GRK5: variants seen among roughly 807,000 people sequenced by gnomAD.
The protein encoded by GRK5 is g protein-coupled receptor kinase GRK5.
Under a neutral mutation model 78.4 loss-of-function variants are expected in GRK5, and 40 were observed. That is an observed-to-expected ratio of 0.51 (90% CI 0.40 to 0.66). The LOEUF is 0.66. Among genes scored for constraint, GRK5 ranks in the 30% least tolerant of loss-of-function variants. The probability of loss-of-function intolerance (pLI) is 0.00; values close to 1 mark genes in which losing one functional copy is unlikely to be tolerated. For synonymous variants in GRK5, 289 were observed against 296.8 expected (o/e 0.97, Z 0.27); for missense variants, 598 against 759.9 (o/e 0.79, Z 2.50).
chr10:119,213,303 G>A (rs887805097), intron 1 of GRK5, among the ~76,000 whole-genome samples: 4 of 152,220 alleles, frequency 2.6e-5, no homozygotes, highest in Non-Finnish European at 5.9e-5. Flanking sequence ...CTGAGGTCAG[G>A]AGATTGAGAT....
chr10:119,326,267 A>T (rs1453133161), intron 1 of GRK5, among the ~76,000 whole-genome samples: 2 of 152,162 alleles, frequency 1.3e-5, no homozygotes, highest in Non-Finnish European at 2.9e-5. Context: ...GGTGGGGTGC[A>T]GGGGAGCCCT....
At chr10:119,351,795 G>A (rs917246336) in intron 2 of GRK5, among the ~76,000 whole-genome samples, 16 of 152,174 alleles carry the variant, frequency 1.1e-4, no homozygotes, top group Admixed American at 9.8e-4. Flanking sequence ...CTGGATAATG[G>A]TAGTGTCAGA....
chr10:119,394,180 G>GTCT (rs1394674838), intron 3 of GRK5, among the ~76,000 whole-genome samples: 1 of 149,710 alleles, frequency 6.7e-6, no homozygotes, highest in African/African-American at 2.5e-5. Flanking sequence ...GTGTGTGTGT[G>GTCT]GGTGTCTGTG....
chr10:119,335,423 G>A (rs1239010844), intron 2 of GRK5, among the ~76,000 whole-genome samples: 3 of 152,150 alleles, frequency 2.0e-5, no homozygotes, highest in Non-Finnish European at 4.4e-5. Flanking sequence ...GAGTGCAGTG[G>A]TGTAATCTTG....
chr10:119,290,358 A>AC (rs1234196894), intron 1 of GRK5, among the ~76,000 whole-genome samples: 64 of 145,578 alleles, frequency 4.4e-4, no homozygotes, highest in African/African-American at 1.6e-3. Flanking sequence ...AAAAAAAAAA[A>AC]AAAAACAAAA....
At chr10:119,434,268 A>G (rs1212567270) in intron 8 of GRK5, among the ~76,000 whole-genome samples, 1 of 152,122 alleles carries the variant, frequency 6.6e-6, no homozygotes, top group Non-Finnish European at 1.5e-5. Context: ...TTCAAAACCA[A>G]TCATGCCTTC....
intron 4 of GRK5, among the ~76,000 whole-genome samples, chr10:119,400,153 A>G (rs1852125212): frequency 6.6e-6 from 1 of 152,194 alleles, no homozygotes; most frequent in Admixed American, 6.5e-5. Flanking sequence ...TCTGTGCCCC[A>G]TGATGGGGAT....
intron 4 of GRK5, among the ~76,000 whole-genome samples, chr10:119,417,953 C>A (rs1204289925): frequency 6.6e-6 from 1 of 152,208 alleles, no homozygotes; most frequent in Non-Finnish European, 1.5e-5. Flanking sequence ...TCACAGATAT[C>A]AGGAACTGCC....
chr10:119,256,906 G>A (rs775801106), intron 1 of GRK5, among the ~76,000 whole-genome samples: 7 of 152,122 alleles, frequency 4.6e-5, no homozygotes, highest in South Asian at 4.1e-4. Context: ...CCCCTACCAC[G>A]GTCCCTGGCA....
intron 4 of GRK5, among the ~76,000 whole-genome samples, chr10:119,398,310 G>T (rs1172220895): frequency 2.0e-5 from 3 of 152,220 alleles, no homozygotes; most frequent in African/African-American, 4.8e-5. Context: ...GCTTAAAGGG[G>T]TGCATGCACC....
intron 1 of GRK5, among the ~76,000 whole-genome samples, chr10:119,237,870 A>C (rs1308842159): frequency 6.6e-6 from 1 of 152,142 alleles, no homozygotes; most frequent in East Asian, 1.9e-4. Context: ...ATGTTCTTAC[A>C]GGAAAGACTA....
chr10:119,261,136 T>C (rs58644560), intron 1 of GRK5, among the ~76,000 whole-genome samples: 12 of 142,694 alleles, frequency 8.4e-5, no homozygotes, highest in Admixed American at 4.8e-4. Flanking sequence ...TCCTCACTTT[T>C]CAGACGGGGC....
At chr10:119,376,525 G>C (rs1589772226) in intron 2 of GRK5, among the ~76,000 whole-genome samples, 1 of 151,706 alleles carries the variant, frequency 6.6e-6, no homozygotes, top group South Asian at 2.1e-4. Flanking sequence ...GGATACTTAG[G>C]GGCCGAGGAG....
At chr10:119,381,085 G>T (rs1241447892) in intron 3 of GRK5, among the ~76,000 whole-genome samples, 158 bp downstream of exon 3, 1 of 152,260 alleles carries the variant, frequency 6.6e-6, no homozygotes, top group East Asian at 1.9e-4. Context: ...ATGCAAAATT[G>T]TCTGAGGATC....
chr10:119,315,423 TGG>T (rs1452183673), intron 1 of GRK5, among the ~76,000 whole-genome samples: 2 of 152,122 alleles, frequency 1.3e-5, no homozygotes, highest in South Asian at 4.2e-4. Flanking sequence ...GGTGCCTCTC[TGG>T]GGGTGGCAAA....
chr10:119,243,762 T>A (rs190400570), intron 1 of GRK5, among the ~76,000 whole-genome samples: 110 of 152,260 alleles, frequency 7.2e-4, no homozygotes, highest in African/African-American at 2.3e-3. Context: ...TCATGTGGAA[T>A]GACTTACTGA....
chr10:119,437,873 G>A lies in GRK5; in HGVS notation c.929+1032G>A, dbSNP rs1332419110. Among the ~76,000 whole-genome samples, 8 of 152,286 alleles carry A rather than the reference G, an allele frequency of 5.3e-5. No homozygotes were observed. The East Asian group carries it at 5.8e-4, about 11-fold the overall frequency. ...AGCACTTTGGGAGGCTGGGGCAGGC[G>A]GATCACCTGAGGTCAGTGGTTTGAG... On this transcript the variant is annotated intron_variant, in intron 9 of 15. Coordinates refer to ENST00000392870, the MANE Select transcript of GRK5 (RefSeq NM_005308.3).
intron 1 of GRK5, among the ~76,000 whole-genome samples, chr10:119,290,906 C>A (rs1377265402): frequency 6.6e-6 from 1 of 152,100 alleles, no homozygotes; most frequent in Non-Finnish European, 1.5e-5. Flanking sequence ...GTGTTCCTGG[C>A]AGCAAAGCCA....
intron 1 of GRK5, among the ~76,000 whole-genome samples, chr10:119,289,839 A>G (rs2133701243): frequency 6.6e-6 from 1 of 152,344 alleles, no homozygotes; most frequent in South Asian, 2.1e-4. Flanking sequence ...TATCAGGGTT[A>G]GGGAGGTCAA....
Sources: allele counts gnomAD v4.1 joint callset (sites outside exome capture counted in the v4.1 genomes callset), GRCh38; gene constraint gnomAD v4.1.1; transcripts MANE v1.5; gene names NCBI Gene and HGNC (gene_info 2026-07-23, HGNC 2026-07-21).